Variants in HDAC4 observed in about 807,000 individuals in gnomAD.
The protein encoded by HDAC4 is histone deacetylase 4.
HDAC4 carries 16 observed loss-of-function variants against 135.1 expected under a neutral mutation model. The ratio of observed to expected loss-of-function variants is 0.12; its 90% CI spans 0.08 to 0.18. The LOEUF is 0.18. HDAC4 is among the 10% of genes least tolerant of loss of function. HDAC4 has a pLI of 1.00. For missense variants in HDAC4, 1,143 were observed against 1,511.8 expected (o/e 0.76, Z 4.05); for synonymous variants, 685 against 653.4 (o/e 1.05, Z -0.74).
chr2:239,090,617 T>C (rs899100781), intron 17 of HDAC4, among the ~76,000 whole-genome samples: 10 of 149,894 alleles, frequency 6.7e-5, no homozygotes, highest in Admixed American at 2.7e-4. Flanking sequence ...CACTCCAGTC[T>C]GGGTAACACA....
chr2:239,230,714 G>A (rs149882390), intron 3 of HDAC4, among the ~76,000 whole-genome samples: 40 of 152,318 alleles, frequency 2.6e-4, no homozygotes, highest in Non-Finnish European at 3.5e-4. Context: ...GGGGCACCAC[G>A]CAGGAATATT....
At chr2:239,232,840 T>TCCCTCACCAAGCCAAGGGTGGCCCTTC (rs2047668029) in intron 3 of HDAC4, among the ~76,000 whole-genome samples, 2 of 17,298 alleles carry the variant, frequency 1.2e-4, no homozygotes, top group African/African-American at 3.6e-4. Flanking sequence ...GGGTGGCCCT[T>TCCCTCACCAAGCCAAGGGTGGCCCTTC]CCCTCACCAA....
chr2:239,174,658 T>C (rs1213674539), intron 5 of HDAC4, among the ~76,000 whole-genome samples: 6 of 152,244 alleles, frequency 3.9e-5, no homozygotes, highest in African/African-American at 1.2e-4. Context: ...TGCCCACATG[T>C]ACCAAGAAAC....
At chr2:239,329,856 G>A (rs1553608434) in intron 2 of HDAC4, among the ~76,000 whole-genome samples, 1 of 151,992 alleles carries the variant, frequency 6.6e-6, no homozygotes, top group Non-Finnish European at 1.5e-5. Context: ...TCTCTTAGGA[G>A]CCCCATGTCT....
intron 1 of HDAC4, among the ~76,000 whole-genome samples, chr2:239,393,471 C>T (rs981850132): frequency 1.7e-4 from 26 of 152,304 alleles, no homozygotes; most frequent in African/African-American, 5.5e-4. Flanking sequence ...CCAGTTGGCC[C>T]GGCTCATCAC....
chr2:239,232,371 A>G (rs2047626339), intron 3 of HDAC4, among the ~76,000 whole-genome samples: 1 of 152,206 alleles, frequency 6.6e-6, no homozygotes, highest in Admixed American at 6.5e-5. Flanking sequence ...CTCTGTCCTC[A>G]AACTGCAACA....
intron 14 of HDAC4, 41 bp from the exon 15 acceptor site, chr2:239,108,224 G>C (rs1219853106): frequency 1.3e-6 from 2 of 1,568,740 alleles, no homozygotes; most frequent in Admixed American, 1.9e-5. Context: ...GCACATCCAG[G>C]GGCGAGCCGA....
rs1465206552 is a variant in HDAC4, at chr2:239,095,182, C to G, written c.2234-126G>C. The G allele has an allele frequency of 7.1e-6, 7 of 985,264 alleles. No homozygotes were observed. In the East Asian group the frequency reaches 1.7e-4, roughly 24 times the overall value. The allele number at this position is 985,264 out of a possible 1,614,324, so 61.0% of individuals were successfully genotyped here. A position where few individuals can be genotyped will look rare whatever the true frequency, so the allele number is the denominator to read the frequency against. The stretch of plus-strand genomic sequence containing the variant: ...TTTGTGGGACAACGAGGGGCCACTG[C>G]TCCCCCTTGTGACACCCTGTGGCCC... On this transcript the variant is annotated intron_variant, in intron 16 of 26. Coordinates refer to ENST00000543185, the MANE Select transcript of HDAC4 (RefSeq NM_001378414.1).
chr2:239,111,284 G>A (rs887664391), intron 14 of HDAC4, among the ~76,000 whole-genome samples: 1 of 152,244 alleles, frequency 6.6e-6, no homozygotes, highest in African/African-American at 2.4e-5. Context: ...GGGTCTCTGG[G>A]ACAGGAAAGT....
At position 239,109,859 on chromosome 2, in the gene HDAC4, G is replaced by T. The variant is rs148742694; in HGVS notation, c.1978+1667C>A. 1.4e-3 allele frequency among the ~76,000 whole-genome samples: 209 copies of T among 152,324 alleles called. 2 individuals carry two copies. The highest frequency in any genetic ancestry group is 5.0e-3 in the African/African-American group (207 of 41,572). On this transcript the variant is annotated intron_variant, in intron 14 of 26. Coordinates refer to ENST00000543185, the MANE Select transcript of HDAC4 (RefSeq NM_001378414.1). ...GAATCATCATGATAAGGTCACGTGC[G>T]CTAATATTTACTAAGCACACGGCTG...
intron 2 of HDAC4, among the ~76,000 whole-genome samples, chr2:239,280,998 A>G (rs1196206629): frequency 1.5e-5 from 2 of 135,430 alleles, no homozygotes; most frequent in African/African-American, 5.6e-5. Context: ...CACACAATGT[A>G]CACACCACTC....
intron 4 of HDAC4, among the ~76,000 whole-genome samples, chr2:239,177,606 C>T (rs796795396): frequency 3.8e-4 from 58 of 152,112 alleles, no homozygotes; most frequent in Middle Eastern, 3.4e-3. Flanking sequence ...GGCATTCTAC[C>T]GAGTATAAAT....
At chr2:239,264,992 C>G (rs1012916814) in intron 2 of HDAC4, among the ~76,000 whole-genome samples, 1 of 152,226 alleles carries the variant, frequency 6.6e-6, no homozygotes, top group Non-Finnish European at 1.5e-5. Context: ...GCCCCTCCCC[C>G]TGCAGAGCAG....
At chr2:239,188,860 G>A (rs1042300423) in intron 4 of HDAC4, among the ~76,000 whole-genome samples, 39 of 152,212 alleles carry the variant, frequency 2.6e-4, no homozygotes, top group Admixed American at 1.8e-3. Context: ...TCCTGCCTGC[G>A]GCCATGTGAG....
chr2:239,224,961 T>G (rs894380517), intron 3 of HDAC4, among the ~76,000 whole-genome samples: 4 of 152,206 alleles, frequency 2.6e-5, no homozygotes, highest in Non-Finnish European at 5.9e-5. Flanking sequence ...ACACATATAT[T>G]AAAGATTCAT....
chr2:239,259,258 G>C (rs1016249313), intron 2 of HDAC4, among the ~76,000 whole-genome samples: 5 of 152,160 alleles, frequency 3.3e-5, no homozygotes, highest in African/African-American at 1.2e-4. Context: ...AGACCAGCCT[G>C]GGCAACAAGG....
intron 1 of HDAC4, among the ~76,000 whole-genome samples, chr2:239,380,991 G>A (rs1695380746): frequency 6.6e-6 from 1 of 152,168 alleles, no homozygotes. Flanking sequence ...TGATAGCTGA[G>A]AAAATGACTG....
In HDAC4 at chr2:239,082,238, A is replaced by G; in HGVS notation, c.2533-17T>C. ...GTGCACGTCCTTAAAGAGCAGGGAC[A>G]ACTACTTCAGGGCTGAGGCAGGTAT... On this transcript the variant is annotated splice_polypyrimidine_tract_variant and intron_variant, in intron 20 of 26. Coordinates refer to ENST00000543185, the MANE Select transcript of HDAC4 (RefSeq NM_001378414.1). 2 of 1,614,196 alleles carry G rather than the reference A, an allele frequency of 1.2e-6. No individual in the cohort carries two copies. Among genetic ancestry groups the G allele is most frequent in the Non-Finnish European group, 1.7e-6 (2 of 1,180,028 alleles).
chr2:239,306,541 G>A lies in HDAC4; in HGVS notation c.22+46137C>T, dbSNP rs1367078088. On this transcript the variant is annotated intron_variant, in intron 2 of 26. Coordinates refer to ENST00000543185, the MANE Select transcript of HDAC4 (RefSeq NM_001378414.1). This position sits in a 1 kb window ranked among gnomAD's most constrained non-coding sequence, Gnocchi z 4.5. ...ATCTGGGCCCCGACACACTTGTTTCGTACCTTTCCCGGTCATGATACAAAA... is the reference window on the plus strand; with the variant it reads ...ATCTGGGCCCCGACACACTTGTTTCATACCTTTCCCGGTCATGATACAAAA... Among the ~76,000 whole-genome samples, 2 of 152,020 alleles carry A rather than the reference G, an allele frequency of 1.3e-5. No individual in the cohort carries two copies. Among genetic ancestry groups the A allele is most frequent in the African/African-American group, 2.4e-5 (1 of 41,372 alleles).
Sources: gnomAD v4.1 joint callset for allele counts (sites outside exome capture counted in the v4.1 genomes callset) on GRCh38, gnomAD v4.1.1 for gene constraint, Gnocchi (gnomAD v3.1) non-coding constraint, MANE v1.5 for transcripts, NCBI Gene and HGNC (gene_info 2026-07-23, HGNC 2026-07-21) for gene names.